PLOD2: variants seen among roughly 807,000 people sequenced by gnomAD.
PLOD2 encodes lysine hydroxylase 2.
A neutral mutation model predicts 101.0 loss-of-function variants in PLOD2; 65 were observed. The ratio of observed to expected loss-of-function variants is 0.64; its 90% CI spans 0.53 to 0.79. The LOEUF (loss-of-function observed/expected upper bound fraction) is 0.79, where lower values mean the gene tolerates loss of function less well. PLOD2 is among the 30% of genes least tolerant of loss of function. The probability of loss-of-function intolerance (pLI) is 0.00; values close to 1 mark genes in which losing one functional copy is unlikely to be tolerated. For missense variants in PLOD2, 909 were observed against 914.6 expected (o/e 0.99, Z 0.08); for synonymous variants, 314 against 302.9 (o/e 1.04, Z -0.38).
chr3:146,110,469 G>A (rs201010553), intron 3 of PLOD2, 21 bp from the exon 4 acceptor site: 1 of 1,601,100 alleles, frequency 6.2e-7, no homozygotes, highest in Non-Finnish European at 8.5e-7. Context: ...AGGAAAAAAT[G>A]TGTTTTAAAA....
At chr3:146,088,463 A>G (rs763827390) in intron 9 of PLOD2, 123 bp downstream of exon 9, 13 of 690,876 alleles carry the variant, frequency 1.9e-5, no homozygotes, top group Non-Finnish European at 2.8e-5. Context: ...GCAGGGCTGT[A>G]ATTACTCCAA....
intron 1 of PLOD2, among the ~76,000 whole-genome samples, chr3:146,141,907 T>C (rs2031543231): frequency 6.6e-6 from 1 of 152,016 alleles, no homozygotes; most frequent in African/African-American, 2.4e-5. Context: ...TGGAAGTTTA[T>C]GAAAAAAATT....
At chr3:146,153,217 T>A (rs2032147090) in intron 1 of PLOD2, among the ~76,000 whole-genome samples, 1 of 152,154 alleles carries the variant, frequency 6.6e-6, no homozygotes, top group Admixed American at 6.5e-5. Flanking sequence ...GTGATCACAT[T>A]ATGGAGATCA....
At chr3:146,156,866 T>C (rs2032321422) in intron 1 of PLOD2, among the ~76,000 whole-genome samples, 1 of 152,234 alleles carries the variant, frequency 6.6e-6, no homozygotes, top group Admixed American at 6.5e-5. Flanking sequence ...TTTCCACCTA[T>C]GTGAGCTTGT....
Position 146,091,840 on chromosome 3 carries a change from G to C in PLOD2, c.839C>G (p.Thr280Ser). 1 of 1,607,882 alleles carries C rather than the reference G, an allele frequency of 6.2e-7. No homozygotes were observed. Among genetic ancestry groups the C allele is most frequent in the Non-Finnish European group, 8.5e-7 (1 of 1,174,602 alleles). Residue 280 changes from threonine (T) to serine (S), a missense_variant, in exon 8 of 20, where the codon ACT becomes AGT. Coordinates refer to ENST00000282903, the MANE Select transcript of PLOD2 (RefSeq NM_182943.3). The stretch of plus-strand genomic sequence containing the variant: ...GTCGACTGTATCGAATTCACAAAGA[G>C]TGCAGCCATTATCCTGTGTCCATGA... ...PNSWTQDNGC[T>S]LCEFDTVDLS...
chr3:146,145,737 C>T (rs1277799412), intron 1 of PLOD2, among the ~76,000 whole-genome samples: 5 of 152,184 alleles, frequency 3.3e-5, no homozygotes, highest in South Asian at 2.1e-4. Context: ...CAAATTAAAT[C>T]CTTCCTTCCT....
chr3:146,103,001 C>T (rs1381098869), intron 6 of PLOD2, 149 bp from the exon 7 acceptor site: 3 of 592,338 alleles, frequency 5.1e-6, no homozygotes, highest in Non-Finnish European at 9.2e-6. Flanking sequence ...CTTCTAGTAA[C>T]TTCATCTACT....
At chr3:146,087,302 T>C (rs542671051) in intron 9 of PLOD2, among the ~76,000 whole-genome samples, 6 of 151,978 alleles carry the variant, frequency 3.9e-5, no homozygotes, top group African/African-American at 1.4e-4. Flanking sequence ...TTGTGAAATA[T>C]CTAGAAAAAA....
rs548432661 is a variant in PLOD2 at position 146,099,456 on chromosome 3, GC to G, written c.777+3298del. The stretch of plus-strand genomic sequence containing the variant: ...TTGTCGCCCAGGCTGGAGTGCAATG[GC>G]CCGATCTTGGCTGACTGCAACCTCT... On this transcript the variant is annotated intron_variant, in intron 7 of 19. Coordinates refer to ENST00000282903, the MANE Select transcript of PLOD2 (RefSeq NM_182943.3). Among the ~76,000 whole-genome samples the G allele has an allele frequency of 2.6e-5, 4 of 152,222 alleles. No homozygotes were observed. In the South Asian group the frequency reaches 8.3e-4, roughly 32 times the overall value.
At chr3:146,086,752 ATAATT>A (rs1936787379) in intron 10 of PLOD2, 30 bp downstream of exon 10, 19 of 1,314,388 alleles carry the variant, frequency 1.4e-5, no homozygotes, top group Non-Finnish European at 1.9e-5. Context: ...CCTTAGTAAA[ATAATT>A]TAATTTAATT....
At chr3:146,140,515 C>T (rs1375425684) in intron 1 of PLOD2, among the ~76,000 whole-genome samples, 3 of 152,162 alleles carry the variant, frequency 2.0e-5, no homozygotes, top group Non-Finnish European at 4.4e-5. Flanking sequence ...ATTTCATAAA[C>T]TAGTATATAA....
intron 1 of PLOD2, among the ~76,000 whole-genome samples, chr3:146,136,835 G>A (rs556344875): frequency 4.5e-4 from 69 of 152,240 alleles, no homozygotes; most frequent in African/African-American, 1.6e-3. Context: ...ACACCATCTA[G>A]GTTTACATAG....
intron 12 of PLOD2, among the ~76,000 whole-genome samples, chr3:146,080,284 G>A (rs1340168231): frequency 2.0e-5 from 3 of 151,040 alleles, no homozygotes; most frequent in African/African-American, 7.3e-5. Flanking sequence ...TATACATAAA[G>A]TACAGTAAGA....
At chr3:146,096,022 G>A (rs1249090890) in intron 7 of PLOD2, among the ~76,000 whole-genome samples, 7 of 145,416 alleles carry the variant, frequency 4.8e-5, no homozygotes, top group Non-Finnish European at 7.6e-5. Flanking sequence ...GAGTGCCTGC[G>A]ATTGCAGGCG....
At chr3:146,071,833 T>C (rs1936150886) in intron 17 of PLOD2, among the ~76,000 whole-genome samples, 1 of 151,656 alleles carries the variant, frequency 6.6e-6, no homozygotes, top group Non-Finnish European at 1.5e-5. Context: ...AAAAACAAGC[T>C]TTCCCCGCCC....
At chr3:146,090,426 A>C (rs986510423) in intron 8 of PLOD2, among the ~76,000 whole-genome samples, 1 of 151,682 alleles carries the variant, frequency 6.6e-6, no homozygotes, top group African/African-American at 2.4e-5. Context: ...AAAAAGAAAA[A>C]ATGTTAATAT....
chr3:146,071,165 T>A lies in PLOD2; in HGVS notation c.1998A>T (p.Gly666=), dbSNP rs765125138. The A allele has an allele frequency of 6.2e-7, 1 of 1,611,130 alleles. No homozygotes were observed. Among genetic ancestry groups the A allele is most frequent in the East Asian group, 2.2e-5 (1 of 44,718 alleles). The part of the protein sequence containing the change: ...LKVFAGYYTK[G]FALLNFVVKY... ...TTACTACAAAATTCAGTAGTGCAAATCCCTGAAAAAGCAAAGTAAGCCAGT... is the reference window on the plus strand; with the variant it reads ...TTACTACAAAATTCAGTAGTGCAAAACCCTGAAAAAGCAAAGTAAGCCAGT... The change falls in exon 19 of 20, where the codon GGA becomes GGT. Residue 666 remains glycine, a splice_region_variant and synonymous_variant. Transcript: ENST00000282903.
intron 1 of PLOD2, among the ~76,000 whole-genome samples, chr3:146,127,155 A>T (rs1270626838): frequency 6.6e-6 from 1 of 152,186 alleles, no homozygotes; most frequent in Non-Finnish European, 1.5e-5. Flanking sequence ...GCTCAGCTGA[A>T]TAGTTCTTTT....
chr3:146,116,632 C>T (rs9858095), intron 3 of PLOD2, among the ~76,000 whole-genome samples: 78,041 of 151,558 alleles, frequency 0.51, 20,148 homozygotes, highest in Middle Eastern at 0.57. Context: ...ACGGAGTACA[C>T]ACATAATGGA....
Sources: gnomAD v4.1 joint callset for allele counts (sites outside exome capture counted in the v4.1 genomes callset) on GRCh38, gnomAD v4.1.1 for gene constraint, MANE v1.5 for transcripts, NCBI Gene and HGNC (gene_info 2026-07-23, HGNC 2026-07-21) for gene names.